The following RBM20 variants were observed in gnomAD, a reference collection of about 807,000 sequenced individuals.
The protein encoded by RBM20 is RNA-binding protein 20.
A neutral mutation model predicts 110.1 loss-of-function variants in RBM20; 51 were observed. The ratio of observed to expected loss-of-function variants is 0.46; its 90% CI spans 0.37 to 0.59. The LOEUF is 0.59. Ranked by LOEUF, RBM20 falls within the 20% of genes least tolerant of loss-of-function variation. RBM20 has a pLI of 0.00. For synonymous variants in RBM20, 589 were observed against 618.2 expected (o/e 0.95, Z 0.70); for missense variants, 1,512 against 1,574.9 (o/e 0.96, Z 0.68).
At chr10:110,705,451 T>C (rs1862821631) in intron 1 of RBM20, among the ~76,000 whole-genome samples, 1 of 152,234 alleles carries the variant, frequency 6.6e-6, no homozygotes, top group South Asian at 2.1e-4. Flanking sequence ...CCAAATCTGT[T>C]TTAACCAGTG....
At chr10:110,830,063 A>T (rs541478375) in intron 12 of RBM20, among the ~76,000 whole-genome samples, 1 of 151,960 alleles carries the variant, frequency 6.6e-6, no homozygotes, top group East Asian at 1.9e-4. Context: ...ATGTGTTCCT[A>T]CCTCCATTCT....
intron 1 of RBM20, among the ~76,000 whole-genome samples, chr10:110,743,077 A>G (rs1013700351): frequency 6.6e-6 from 1 of 152,142 alleles, no homozygotes; most frequent in Admixed American, 6.5e-5. Flanking sequence ...GGTTCCGAAA[A>G]CCTCAGGGTT....
At chr10:110,660,824 A>G (rs1212035850) in intron 1 of RBM20, among the ~76,000 whole-genome samples, 1 of 152,184 alleles carries the variant, frequency 6.6e-6, no homozygotes, top group Non-Finnish European at 1.5e-5. Context: ...TAAATGTGAT[A>G]TGCTGGAATC....
Position 110,672,799 on chromosome 10 carries a change from G to A in RBM20, c.191+28154G>A, listed in dbSNP as rs181268709. On this transcript the variant is annotated intron_variant, in intron 1 of 13. Transcript: ENST00000369519. Reference sequence around the variant, plus strand: ...TAAAGCTTGACACATACTTAGTATAGAGCAGTAGAAAGCAGGGAGGAAAAA... The same window carrying A: ...TAAAGCTTGACACATACTTAGTATAAAGCAGTAGAAAGCAGGGAGGAAAAA... Among the ~76,000 whole-genome samples, 551 of 152,332 alleles carry A rather than the reference G, an allele frequency of 3.6e-3. 3 individuals are homozygous for A. The highest frequency in any genetic ancestry group is 4.6e-3 in the Non-Finnish European group (310 of 68,022).
intron 1 of RBM20, among the ~76,000 whole-genome samples, chr10:110,710,715 C>T (rs1862913997): frequency 6.6e-6 from 1 of 152,232 alleles, no homozygotes; most frequent in Admixed American, 6.5e-5. Flanking sequence ...GGCACCCTGG[C>T]ATCCAGTTTT....
At chr10:110,653,087 A>G (rs897222530) in intron 1 of RBM20, among the ~76,000 whole-genome samples, 2 of 152,198 alleles carry the variant, frequency 1.3e-5, no homozygotes, top group African/African-American at 4.8e-5. Context: ...AAAACCCAGT[A>G]CCTACCTTCC....
chr10:110,823,403 C>T, intron 11 of RBM20, 77 bp from the exon 12 acceptor site: 1 of 1,474,160 alleles, frequency 6.8e-7, no homozygotes, highest in African/African-American at 1.5e-5. Context: ...CATAGAATTT[C>T]AGGGACTCTT....
rs1039168618 is a variant in RBM20, at chr10:110,656,318, AATT to A, written c.191+11676_191+11678del. On this transcript the variant is annotated intron_variant, in intron 1 of 13. Coordinates refer to ENST00000369519, the MANE Select transcript of RBM20 (RefSeq NM_001134363.3). ...AGCAAAACTCCATCTCGAAAAAAAAAATTATCACCCCACAATGTTTCTTCATAC... is the reference window on the plus strand; with the variant it reads ...AGCAAAACTCCATCTCGAAAAAAAAAATCACCCCACAATGTTTCTTCATAC... Among the ~76,000 whole-genome samples the A allele has an allele frequency of 2.2e-4, 34 of 152,208 alleles. 1 individual carries two copies. Among genetic ancestry groups the A allele is most frequent in the Admixed American group, 2.1e-3 (32 of 15,288 alleles).
At chr10:110,666,923 T>G (rs1862186485) in intron 1 of RBM20, among the ~76,000 whole-genome samples, 1 of 152,140 alleles carries the variant, frequency 6.6e-6, no homozygotes, top group Non-Finnish European at 1.5e-5. Context: ...GGCGGGAAAT[T>G]TATCCAAGGA....
intron 1 of RBM20, among the ~76,000 whole-genome samples, chr10:110,721,810 A>G (rs959030360): frequency 1.3e-5 from 2 of 152,184 alleles, no homozygotes; most frequent in African/African-American, 4.8e-5. Flanking sequence ...GATCAAGGCC[A>G]TTTATTGCAG....
chr10:110,819,485 T>C (rs1032952888), intron 9 of RBM20, among the ~76,000 whole-genome samples: 4 of 152,242 alleles, frequency 2.6e-5, no homozygotes, highest in Admixed American at 1.3e-4. Context: ...CTTTCAATTG[T>C]TCAGTTTCAC....
intron 1 of RBM20, among the ~76,000 whole-genome samples, chr10:110,761,793 G>A (rs1777798004): frequency 6.6e-6 from 1 of 152,212 alleles, no homozygotes; most frequent in South Asian, 2.1e-4. Context: ...GTCTATCCTG[G>A]TACCGGAAGA....
intron 1 of RBM20, among the ~76,000 whole-genome samples, chr10:110,715,782 C>T (rs1271459928): frequency 6.6e-6 from 1 of 152,146 alleles, no homozygotes; most frequent in Non-Finnish European, 1.5e-5. Context: ...AAGGGTCTCA[C>T]CCCTGCAATT....
intron 1 of RBM20, among the ~76,000 whole-genome samples, chr10:110,679,370 C>T (rs1263329260): frequency 5.9e-5 from 9 of 152,000 alleles, no homozygotes; most frequent in South Asian, 2.1e-4. Context: ...ACTATAGGCA[C>T]GAGCCACCAT....
chr10:110,807,399 G>T (rs1258191540), intron 7 of RBM20, among the ~76,000 whole-genome samples: 2 of 152,214 alleles, frequency 1.3e-5, no homozygotes, highest in Non-Finnish European at 2.9e-5. Flanking sequence ...GCACCTCTTT[G>T]ACCCCTGGGA....
At chr10:110,699,742 C>G (rs1195665902) in intron 1 of RBM20, among the ~76,000 whole-genome samples, 1 of 151,356 alleles carries the variant, frequency 6.6e-6, no homozygotes, top group East Asian at 1.9e-4. Flanking sequence ...AGTACTGAAC[C>G]CTATATATAT....
At chr10:110,830,479 A>G (rs1845036552) in intron 12 of RBM20, among the ~76,000 whole-genome samples, 1 of 152,222 alleles carries the variant, frequency 6.6e-6, no homozygotes, top group Admixed American at 6.5e-5. Flanking sequence ...GAGAATTGTA[A>G]TTAGGGTATG....
rs1379129358 is a variant in RBM20, at chr10:110,821,466, G to C, written c.2847G>C (p.Val949=). 1 of 1,551,734 alleles carries C rather than the reference G, an allele frequency of 6.4e-7. No homozygotes were observed. Among genetic ancestry groups the C allele is most frequent in the African/African-American group, 1.4e-5 (1 of 73,044 alleles). Residue 949 remains valine (V), a synonymous_variant, in exon 11 of 14, where the codon GTG becomes GTC. Coordinates refer to ENST00000369519, the MANE Select transcript of RBM20 (RefSeq NM_001134363.3). ...TTTGCCCAGAAACATGTCTGTGTGT[G>C]ACAACCACCTTAGACTTAGACCTGG... ...DKICPETCLC[V]TTTLDLDLAQ...
intron 12 of RBM20, among the ~76,000 whole-genome samples, chr10:110,830,641 G>T (rs751715181): frequency 6.6e-6 from 1 of 152,050 alleles, no homozygotes; most frequent in Non-Finnish European, 1.5e-5. Flanking sequence ...AAACAAAAAC[G>T]AGAGAATTCT....
Sources: allele counts gnomAD v4.1 joint callset (sites outside exome capture counted in the v4.1 genomes callset), GRCh38; gene constraint gnomAD v4.1.1; transcripts MANE v1.5; gene names NCBI Gene and HGNC (gene_info 2026-07-23, HGNC 2026-07-21).